Variants in ARID1B observed in about 807,000 individuals in gnomAD.
The protein encoded by ARID1B is AT-rich interaction domain 1B, also known as AT-rich interactive domain-containing protein 1B.
Under a neutral mutation model 212.3 loss-of-function variants are expected in ARID1B, and 30 were observed. The observed-to-expected ratio is 0.14, with a 90% CI of 0.11 to 0.19. ARID1B has a LOEUF of 0.19. ARID1B is among the 10% of genes least tolerant of loss of function. ARID1B has a pLI of 1.00. For synonymous variants in ARID1B, 1,402 were observed against 1,301.7 expected (o/e 1.08, Z -1.66); for missense variants, 2,891 against 3,204.0 (o/e 0.90, Z 2.36).
intron 1 of ARID1B, among the ~76,000 whole-genome samples, chr6:156,805,424 G>C (rs1159379524): frequency 1.3e-5 from 2 of 152,084 alleles, no homozygotes; most frequent in South Asian, 2.1e-4. Context: ...AAATGAGGTC[G>C]CATGTTTAAA....
chr6:157,004,946 T>C (rs1335311772), intron 4 of ARID1B, among the ~76,000 whole-genome samples: 1 of 135,472 alleles, frequency 7.4e-6, no homozygotes. Context: ...TGAGCCTTGC[T>C]CTGTTGTCCA....
At chr6:157,086,004 A>G (rs1392834047) in intron 5 of ARID1B, among the ~76,000 whole-genome samples, 1 of 152,290 alleles carries the variant, frequency 6.6e-6, no homozygotes, top group East Asian at 1.9e-4. Context: ...TTCATAGAGT[A>G]TATATTGTTT....
rs758892744 is a variant in ARID1B at position 157,200,996 on chromosome 6, C to T, written c.4771C>T (p.Arg1591Cys). The T allele has an allele frequency of 5.6e-6, 9 of 1,614,006 alleles. No individual in the cohort carries two copies. The highest frequency in any genetic ancestry group is 2.2e-5 in the South Asian group (2 of 91,086). The change falls in exon 18 of 20, where the codon CGC (arginine) becomes TGC (cysteine). Residue 1591 changes from arginine (R) to cysteine (C), a missense_variant. Arg to Cys is a radical substitution (Grantham distance 180). Coordinates refer to ENST00000636930, the MANE Select transcript of ARID1B (RefSeq NM_001374828.1). The surrounding 1 kb of genome is among the most constrained non-coding windows in gnomAD (Gnocchi z 4.3). The stretch of plus-strand genomic sequence containing the variant: ...GCCTCAGCAGAATATGTGGGCAGCA[C>T]GCAATGATATGCCTTATCCCTACCA... ...EGPQQNMWAA[R>C]NDMPYPYQNR... is the part of the protein sequence containing the mutation.
At position 156,869,046 on chromosome 6, in the gene ARID1B, TG is replaced by T. The variant is rs539187132; in HGVS notation, c.1987-32329del. ...TTTCTGATTTAAAAAAAAATGAATT[TG>T]TTTTTTTTGCCTCTAAAGCGTTAAA... is the stretch of plus-strand genomic sequence containing the variant. On this transcript the variant is annotated intron_variant, in intron 2 of 19. Transcript: ENST00000636930. Among the ~76,000 whole-genome samples the T allele has an allele frequency of 4.5e-4, 68 of 152,330 alleles. No homozygotes were observed. The South Asian group carries it at 7.7e-3, about 17-fold the overall frequency.
At chr6:156,872,879 A>G (rs1167669248) in intron 2 of ARID1B, among the ~76,000 whole-genome samples, 1 of 152,026 alleles carries the variant, frequency 6.6e-6, no homozygotes, top group Non-Finnish European at 1.5e-5. Context: ...GTTTTCCTCC[A>G]TGCTGTTTTT....
At chr6:156,779,502 G>C (rs2115007922) in intron 1 of ARID1B, 31 bp downstream of exon 1, 1 of 1,297,542 alleles carries the variant, frequency 7.7e-7, no homozygotes. Flanking sequence ...GCCTGCTTCC[G>C]CCCGGCGGCC....
intron 1 of ARID1B, among the ~76,000 whole-genome samples, chr6:156,803,937 T>C (rs879532618): frequency 1.3e-5 from 2 of 152,208 alleles, no homozygotes; most frequent in East Asian, 3.8e-4. Context: ...GTAAAGCATA[T>C]AGCTTTACAT....
chr6:156,998,764 G>A (rs1458665009), intron 4 of ARID1B, among the ~76,000 whole-genome samples: 1 of 152,208 alleles, frequency 6.6e-6, no homozygotes, highest in Non-Finnish European at 1.5e-5. Context: ...TTTAACAATA[G>A]TAGGGAGAAA....
chr6:157,087,518 T>C (rs910556384), intron 5 of ARID1B, among the ~76,000 whole-genome samples: 3 of 152,182 alleles, frequency 2.0e-5, no homozygotes, highest in African/African-American at 4.8e-5. Flanking sequence ...GACAGGTACA[T>C]GCGGAGCACT....
intron 4 of ARID1B, among the ~76,000 whole-genome samples, chr6:156,983,107 A>AT (rs1208170036): frequency 6.6e-6 from 1 of 151,760 alleles, no homozygotes; most frequent in Non-Finnish European, 1.5e-5. Flanking sequence ...AAAAAAAAAA[A>AT]GAAAAAAAAG....
rs71027317 is a variant in ARID1B, at chr6:156,818,098, ATTTTTTT to A, written c.1792-11109_1792-11103del. Among the ~76,000 whole-genome samples, 362 of 61,342 alleles carry A rather than the reference ATTTTTTT, an allele frequency of 5.9e-3. 3 individuals are homozygous for A. The highest frequency in any genetic ancestry group is 0.022 in the African/African-American group (311 of 14,202). 40.2% of individuals were successfully genotyped at this position (61,342 alleles called of 152,430 possible). ...TTTATATGTTGAATTTAGTTGCCCTATTTTTTTTTTTTTTTTTTTTTTTTTTAGAATA... is the reference window on the plus strand; with the variant it reads ...TTTATATGTTGAATTTAGTTGCCCTATTTTTTTTTTTTTTTTTTTAGAATA... On this transcript the variant is annotated intron_variant, in intron 1 of 19. Coordinates refer to ENST00000636930, the MANE Select transcript of ARID1B (RefSeq NM_001374828.1).
At chr6:157,132,091 A>G (rs1331990175) in intron 6 of ARID1B, among the ~76,000 whole-genome samples, 2 of 152,208 alleles carry the variant, frequency 1.3e-5, no homozygotes, top group Non-Finnish European at 2.9e-5. Context: ...AAAAGGAGCA[A>G]GACTGGGGTT....
At chr6:157,045,825 T>C (rs1449393586) in intron 4 of ARID1B, among the ~76,000 whole-genome samples, 1 of 152,170 alleles carries the variant, frequency 6.6e-6, no homozygotes, top group Non-Finnish European at 1.5e-5. Context: ...TGTTTCAATA[T>C]TGACTCAAAC....
At chr6:157,181,543 GT>G (rs1345660092) in intron 12 of ARID1B, among the ~76,000 whole-genome samples, 3 of 152,222 alleles carry the variant, frequency 2.0e-5, no homozygotes, top group Non-Finnish European at 4.4e-5. Context: ...TTAATTATCT[GT>G]GTCAGATATA....
At chr6:156,839,547 A>T (rs1783748003) in intron 2 of ARID1B, among the ~76,000 whole-genome samples, 1 of 152,218 alleles carries the variant, frequency 6.6e-6, no homozygotes. Context: ...TTCAGCTGCC[A>T]GGAAGAGCTA....
At chr6:156,848,585 A>G (rs1050147612) in intron 2 of ARID1B, among the ~76,000 whole-genome samples, 3 of 152,212 alleles carry the variant, frequency 2.0e-5, no homozygotes, top group African/African-American at 4.8e-5. Flanking sequence ...AGGATCTTCC[A>G]TGTGGACCAC....
chr6:157,117,517 A>G (rs1196438891), intron 6 of ARID1B, among the ~76,000 whole-genome samples: 2 of 152,158 alleles, frequency 1.3e-5, no homozygotes, highest in Non-Finnish European at 2.9e-5. Flanking sequence ...CAGGGGAAAA[A>G]GAATGAATTC....
Position 157,190,090 on chromosome 6 carries a change from T to C in ARID1B, c.4111T>C (p.Phe1371Leu). The change falls in exon 15 of 20, where the codon TTC becomes CTC. Residue 1371 changes from phenylalanine to leucine, a missense_variant. Phe to Leu is a conservative substitution (Grantham distance 22). This residue lies in a region of ARID1B where 666 missense variants were observed against 873.5 expected (regional missense o/e 0.76). Coordinates refer to ENST00000636930, the MANE Select transcript of ARID1B (RefSeq NM_001374828.1). The surrounding 1 kb of genome is among the most constrained non-coding windows in gnomAD (Gnocchi z 4.6). ...ATTCTCAGATGTGAGTGATTCATCC[T>C]TCCCGAAACGGAACTCCATGACTCC... is the stretch of plus-strand genomic sequence containing the variant. ...DPFSDVSDSS[F>L]PKRNSMTPNA... 1 of 1,614,252 alleles carries C rather than the reference T, an allele frequency of 6.2e-7. No individual in the cohort carries two copies. The highest frequency in any genetic ancestry group is 8.5e-7 in the Non-Finnish European group (1 of 1,180,046).
chr6:156,902,735 CAAA>C (rs869259426), intron 3 of ARID1B, among the ~76,000 whole-genome samples: 2 of 61,682 alleles, frequency 3.2e-5, no homozygotes, highest in African/African-American at 5.2e-5. Context: ...GACTCTGTCT[CAAA>C]AAAAAAAAAA....
Sources: allele counts gnomAD v4.1 joint callset (sites outside exome capture counted in the v4.1 genomes callset), GRCh38; gene constraint gnomAD v4.1.1; regional missense constraint gnomAD v4.1.1; non-coding constraint Gnocchi (gnomAD v3.1); transcripts MANE v1.5; gene names NCBI Gene and HGNC (gene_info 2026-07-23, HGNC 2026-07-21).